GRM3: variants seen among roughly 807,000 people sequenced by gnomAD.
GRM3 encodes metabotropic glutamate receptor 3.
A neutral mutation model predicts 70.5 loss-of-function variants in GRM3; 26 were observed. The observed-to-expected ratio is 0.37, with a 90% confidence interval of 0.27 to 0.51. The LOEUF is 0.51. Ranked by LOEUF, GRM3 falls within the 20% of genes least tolerant of loss-of-function variation. The pLI, the probability that GRM3 is intolerant of heterozygous loss-of-function variation, is 0.93. For missense variants in GRM3, 859 were observed against 1,123.8 expected (o/e 0.76, Z 3.37); for synonymous variants, 443 against 434.9 (o/e 1.02, Z -0.23).
rs565803766 is a variant in GRM3 at position 86,700,708 on chromosome 7, T to G, written c.-141+55836T>G. 7.2e-5 allele frequency among the ~76,000 whole-genome samples: 11 copies of G among 152,028 alleles called. No individual in the cohort carries two copies. In the South Asian group the frequency reaches 2.3e-3, roughly 32 times the overall value. On this transcript the variant is annotated intron_variant, in intron 1 of 5. Coordinates refer to ENST00000361669, the MANE Select transcript of GRM3 (RefSeq NM_000840.3). ...AATACTATGCCATATCAGGATCCTA[T>G]TCCTGATGTTTTACAGAGAATACAA...
chr7:86,656,986 T>C (rs932009370), intron 1 of GRM3, among the ~76,000 whole-genome samples: 1 of 152,172 alleles, frequency 6.6e-6, no homozygotes, highest in South Asian at 2.1e-4. Flanking sequence ...ACATATTTAA[T>C]GAGAAAACAT....
chr7:86,792,952 C>A (rs567836768), intron 3 of GRM3, among the ~76,000 whole-genome samples: 41 of 150,964 alleles, frequency 2.7e-4, no homozygotes, highest in Admixed American at 2.0e-4. Context: ...GTATGTACAG[C>A]TAAGCTAAGA....
chr7:86,676,050 G>C (rs934592575), intron 1 of GRM3, among the ~76,000 whole-genome samples: 1 of 151,646 alleles, frequency 6.6e-6, no homozygotes, highest in African/African-American at 2.4e-5. Flanking sequence ...TCAGTGTATT[G>C]TCCTATTAGG....
chr7:86,685,984 C>T (rs1794557616), intron 1 of GRM3, among the ~76,000 whole-genome samples: 1 of 151,402 alleles, frequency 6.6e-6, no homozygotes, highest in Non-Finnish European at 1.5e-5. Flanking sequence ...ACAATTAAAT[C>T]CTTGAGCACC....
chr7:86,756,828 A>C (rs370222709), intron 1 of GRM3, among the ~76,000 whole-genome samples: 2 of 152,104 alleles, frequency 1.3e-5, no homozygotes, highest in East Asian at 3.9e-4. Context: ...TTAATTTTGC[A>C]TGTGTTAGAC....
At chr7:86,784,899 T>C (rs1797185281) in intron 2 of GRM3, among the ~76,000 whole-genome samples, 1 of 152,250 alleles carries the variant, frequency 6.6e-6, no homozygotes, top group African/African-American at 2.4e-5. Flanking sequence ...TTGATTTTAA[T>C]AGCAGGCCAG....
intron 1 of GRM3, among the ~76,000 whole-genome samples, chr7:86,688,614 A>G (rs1350940713): frequency 1.3e-5 from 2 of 151,296 alleles, no homozygotes; most frequent in Admixed American, 6.6e-5. Flanking sequence ...TTAGAATGAC[A>G]TTAACCAAAC....
intron 1 of GRM3, among the ~76,000 whole-genome samples, chr7:86,761,567 G>T (rs1206421053): frequency 1.3e-5 from 2 of 152,060 alleles, no homozygotes; most frequent in African/African-American, 4.8e-5. Context: ...AAATAGTAAA[G>T]GGTCATGTGC....
intron 1 of GRM3, among the ~76,000 whole-genome samples, chr7:86,682,238 A>G (rs774353217): frequency 2.6e-5 from 4 of 152,226 alleles, no homozygotes; most frequent in Non-Finnish European, 5.9e-5. Context: ...AAGGATCATA[A>G]GTATGTAAAA....
chr7:86,783,952 T>C (rs1167791419), intron 2 of GRM3, among the ~76,000 whole-genome samples: 5 of 152,228 alleles, frequency 3.3e-5, no homozygotes, highest in Non-Finnish European at 7.4e-5. Context: ...GAGTCAGTTG[T>C]GGTCTCCTCA....
intron 3 of GRM3, among the ~76,000 whole-genome samples, chr7:86,812,471 A>C (rs764738669): frequency 5.3e-5 from 8 of 151,838 alleles, no homozygotes; most frequent in Non-Finnish European, 4.4e-5. Flanking sequence ...CCTGTTAACC[A>C]GGTGTTAATT....
Position 86,765,577 on chromosome 7 carries a change from G to A in GRM3, c.432G>A (p.Gly144=). ...IQENIPLLIA[G]VIGGSYSSVS... The stretch of plus-strand genomic sequence containing the variant: ...AAAACATCCCACTTCTCATTGCAGG[G>A]GTCATTGGTGGCTCTTATAGCAGTG... The change falls in exon 2 of 6, where the codon GGG becomes GGA. Residue 144 remains glycine, a synonymous_variant. Transcript: ENST00000361669. 2 of 1,613,448 alleles carry A rather than the reference G, an allele frequency of 1.2e-6. No homozygotes were observed. The highest frequency in any genetic ancestry group is 1.7e-6 in the Non-Finnish European group (2 of 1,179,606).
At chr7:86,686,359 T>C (rs1794567473) in intron 1 of GRM3, among the ~76,000 whole-genome samples, 1 of 152,114 alleles carries the variant, frequency 6.6e-6, no homozygotes, top group Admixed American at 6.5e-5. Flanking sequence ...AGCAAGAAGG[T>C]AGCCCCAGAT....
chr7:86,675,819 C>T (rs1794291588), intron 1 of GRM3, among the ~76,000 whole-genome samples: 1 of 151,668 alleles, frequency 6.6e-6, no homozygotes, highest in Non-Finnish European at 1.5e-5. Flanking sequence ...TCAAATGTCT[C>T]AGAATTTTTT....
At chr7:86,810,853 T>C (rs1231916220) in intron 3 of GRM3, among the ~76,000 whole-genome samples, 1 of 151,998 alleles carries the variant, frequency 6.6e-6, no homozygotes, top group African/African-American at 2.4e-5. Flanking sequence ...GATAGACATA[T>C]CTACATACAC....
At chr7:86,728,614 A>C (rs938503885) in intron 1 of GRM3, among the ~76,000 whole-genome samples, 3 of 152,084 alleles carry the variant, frequency 2.0e-5, no homozygotes, top group Middle Eastern at 3.2e-3. Flanking sequence ...CCTTCACCTC[A>C]TCATCTTCCC....
At chr7:86,667,525 T>G (rs1034140144) in intron 1 of GRM3, among the ~76,000 whole-genome samples, 1 of 152,098 alleles carries the variant, frequency 6.6e-6, no homozygotes, top group Admixed American at 6.6e-5. Context: ...GTTTTCAACA[T>G]AGTCACAGCA....
chr7:86,781,041 T>C (rs562100268), intron 2 of GRM3, among the ~76,000 whole-genome samples: 1 of 152,280 alleles, frequency 6.6e-6, no homozygotes, highest in Admixed American at 6.5e-5. Context: ...TCCTACCACT[T>C]ATGGGTTCCT....
chr7:86,787,487 A>G (rs1178471153), intron 3 of GRM3, among the ~76,000 whole-genome samples: 1 of 152,178 alleles, frequency 6.6e-6, no homozygotes, highest in African/African-American at 2.4e-5. Context: ...TCTCTAGGGA[A>G]CATGAACTTC....
Sources: gnomAD v4.1 joint callset for allele counts (sites outside exome capture counted in the v4.1 genomes callset) on GRCh38, gnomAD v4.1.1 for gene constraint, MANE v1.5 for transcripts, NCBI Gene and HGNC (gene_info 2026-07-23, HGNC 2026-07-21) for gene names.